SYT2: variants seen among roughly 807,000 people sequenced by gnomAD.
SYT2 encodes synaptotagmin 2, also known as synaptotagmin-2.
Under a neutral mutation model 39.9 loss-of-function variants are expected in SYT2, and 15 were observed. That is an observed-to-expected ratio of 0.38 (90% confidence interval 0.25 to 0.58). The LOEUF (loss-of-function observed/expected upper bound fraction) is 0.58, where lower values mean the gene tolerates loss of function less well. SYT2 is among the 20% of genes least tolerant of loss of function. The probability of loss-of-function intolerance (pLI) is 0.70; values close to 1 mark genes in which losing one functional copy is unlikely to be tolerated. For missense variants in SYT2, 389 were observed against 530.3 expected (o/e 0.73, Z 2.62); for synonymous variants, 181 against 204.5 (o/e 0.89, Z 0.98).
intron 1 of SYT2, among the ~76,000 whole-genome samples, chr1:202,670,234 G>A (rs1239887989): frequency 1.3e-5 from 2 of 152,192 alleles, no homozygotes; most frequent in South Asian, 2.1e-4. Context: ...CCTCACAGGA[G>A]CACTGGGAAC....
intron 1 of SYT2, among the ~76,000 whole-genome samples, chr1:202,619,758 C>G (rs1572630093): frequency 6.6e-6 from 1 of 152,278 alleles, no homozygotes; most frequent in South Asian, 2.1e-4. Context: ...TAAAATAAGC[C>G]TCAAAGGCAC....
At chr1:202,678,273 CAAAAAAAAAAAAAA>C (rs773123862) in intron 1 of SYT2, among the ~76,000 whole-genome samples, 1,079 of 30,750 alleles carry the variant, frequency 0.035, 28 homozygotes, top group African/African-American at 0.13. Context: ...GACTCTGTCT[CAAAAAAAAAAAAAA>C]AAAAAAAAAA....
Position 202,596,547 on chromosome 1 carries a change from A to G in SYT2, c.*210T>C, listed in dbSNP as rs1208095477. 1 of 551,368 alleles carries G rather than the reference A, an allele frequency of 1.8e-6. No homozygotes were observed. Among genetic ancestry groups the G allele is most frequent in the Non-Finnish European group, 3.2e-6 (1 of 312,158 alleles). The allele number at this position is 551,368 out of a possible 1,614,324, so 34.2% of individuals were successfully genotyped here. A position where few individuals can be genotyped will look rare whatever the true frequency, so the allele number is the denominator to read the frequency against. On this transcript the variant is annotated 3_prime_UTR_variant, in exon 9 of 9. Transcript: ENST00000367268. ...AGCTCCTGGGACCGTGAACAGAGCC[A>G]GGCTTCTCTTTCACCTCTTAGGGGA...
At position 202,628,483 on chromosome 1, in the gene SYT2, C is replaced by G. The variant is rs1691480438; in HGVS notation, c.-17-22694G>C. Among the ~76,000 whole-genome samples the G allele has an allele frequency of 6.6e-6, 1 of 152,178 alleles. No individual in the cohort carries two copies. The highest frequency in any genetic ancestry group is 1.5e-5 in the Non-Finnish European group (1 of 68,032). On this transcript the variant is annotated intron_variant, in intron 1 of 8. Transcript: ENST00000367268. This position sits in a 1 kb window ranked among gnomAD's most constrained non-coding sequence, Gnocchi z 4.2. ...GCTGGCCAGGCCCCAGGGACAGAGA[C>G]GTGCCCATCACTCTTCAGACAGAGA...
chr1:202,654,704 G>A (rs992121687), intron 1 of SYT2, among the ~76,000 whole-genome samples: 23 of 152,140 alleles, frequency 1.5e-4, no homozygotes, highest in Admixed American at 1.5e-3. Context: ...GTGTGGGACG[G>A]TGCTCTATAA....
chr1:202,696,667 G>T lies in SYT2; in HGVS notation c.-18+13591C>A, dbSNP rs150528327. Among the ~76,000 whole-genome samples, 518 of 152,282 alleles carry T rather than the reference G, an allele frequency of 3.4e-3. 2 individuals carry two copies. Among genetic ancestry groups the T allele is most frequent in the African/African-American group, 0.012 (501 of 41,566 alleles). On this transcript the variant is annotated intron_variant, in intron 1 of 8. Transcript: ENST00000367268. ...CTGAGTGGGAGCCTAGGGAAGTGTG[G>T]CCTGAGGCACATGGGAGCCTGACCA...
At chr1:202,674,851 G>A (rs541192979) in intron 1 of SYT2, among the ~76,000 whole-genome samples, 80 of 151,930 alleles carry the variant, frequency 5.3e-4, no homozygotes, top group African/African-American at 1.7e-3. Context: ...CAGACTGGCC[G>A]GCCCCCTCCC....
chr1:202,629,917 A>G (rs1284278593), intron 1 of SYT2, among the ~76,000 whole-genome samples: 2 of 99,152 alleles, frequency 2.0e-5, no homozygotes, highest in Admixed American at 1.1e-4. Flanking sequence ...GTGACTCTGG[A>G]AGTCACTAGC....
chr1:202,696,385 A>G (rs148557795), intron 1 of SYT2, among the ~76,000 whole-genome samples: 222 of 152,344 alleles, frequency 1.5e-3, no homozygotes, highest in African/African-American at 5.0e-3. Context: ...CATGGTGGCC[A>G]TGCACGCATC....
intron 1 of SYT2, among the ~76,000 whole-genome samples, chr1:202,687,240 C>T (rs559253552): frequency 1.3e-5 from 2 of 152,136 alleles, no homozygotes; most frequent in African/African-American, 2.4e-5. Context: ...GTCCCCTCCC[C>T]CTACGACCCA....
chr1:202,626,518 C>T (rs905354484), intron 1 of SYT2, among the ~76,000 whole-genome samples: 4 of 145,994 alleles, frequency 2.7e-5, no homozygotes, highest in East Asian at 4.3e-4. Flanking sequence ...GCTGGGACTA[C>T]AGGCGTACCA....
intron 1 of SYT2, among the ~76,000 whole-genome samples, chr1:202,696,381 G>A (rs2149119576): frequency 6.6e-6 from 1 of 152,288 alleles, no homozygotes; most frequent in South Asian, 2.1e-4. Flanking sequence ...ACATCATGGT[G>A]GCCATGCACG....
intron 1 of SYT2, among the ~76,000 whole-genome samples, chr1:202,660,259 C>T (rs1034632878): frequency 2.0e-5 from 3 of 152,162 alleles, no homozygotes; most frequent in Non-Finnish European, 2.9e-5. Context: ...GACTATGCTA[C>T]CTTTTAGCTG....
chr1:202,652,967 C>G (rs1270586867), intron 1 of SYT2, among the ~76,000 whole-genome samples: 8 of 151,466 alleles, frequency 5.3e-5, no homozygotes, highest in African/African-American at 1.7e-4. Context: ...CCCACCCCCC[C>G]TTAGAGTTTG....
At chr1:202,698,189 T>C (rs1392270628) in intron 1 of SYT2, among the ~76,000 whole-genome samples, 1 of 152,060 alleles carries the variant, frequency 6.6e-6, no homozygotes, top group African/African-American at 2.4e-5. Flanking sequence ...TCTTTTACCA[T>C]GTCTAGGTCT....
rs538800731 is a variant in SYT2 at position 202,627,918 on chromosome 1, C to T, written c.-17-22129G>A. On this transcript the variant is annotated intron_variant, in intron 1 of 8. Coordinates refer to ENST00000367268, the MANE Select transcript of SYT2 (RefSeq NM_177402.5). ...TTCTGCCCCTTGACAGAGGAGACAA[C>T]TAAGGCTCTGAGATCAGCTTGCCCA... Among the ~76,000 whole-genome samples, 10 of 152,268 alleles carry T rather than the reference C, an allele frequency of 6.6e-5. 1 individual carries two copies. Among genetic ancestry groups the T allele is most frequent in the African/African-American group, 2.2e-4 (9 of 41,544 alleles).
intron 1 of SYT2, among the ~76,000 whole-genome samples, chr1:202,622,899 C>T (rs904624708): frequency 2.0e-5 from 3 of 152,170 alleles, no homozygotes; most frequent in African/African-American, 7.2e-5. Context: ...AGTCCACAGC[C>T]TCTTTTCGAA....
rs949295029 is a variant in SYT2 at position 202,591,389 on chromosome 1, C to G, written c.*5368G>C. 3 of 152,572 alleles carry G rather than the reference C, an allele frequency of 2.0e-5. No homozygotes were observed. Among genetic ancestry groups the G allele is most frequent in the African/African-American group, 7.2e-5 (3 of 41,466 alleles). The allele number at this position is 152,572 out of a possible 1,614,324, so 9.5% of individuals were successfully genotyped here. On this transcript the variant is annotated 3_prime_UTR_variant, in exon 9 of 9. Coordinates refer to ENST00000367268, the MANE Select transcript of SYT2 (RefSeq NM_177402.5). Reference sequence around the variant, plus strand: ...CTCAGGTGCCCATGGGGCCAGGGGCCGCAGGCAGGGGGGCTACCTGTCCCT... The same window carrying G: ...CTCAGGTGCCCATGGGGCCAGGGGCGGCAGGCAGGGGGGCTACCTGTCCCT...
intron 1 of SYT2, among the ~76,000 whole-genome samples, chr1:202,626,423 T>TTTTTTTTTA (rs1270020109): frequency 7.1e-6 from 1 of 140,256 alleles, no homozygotes; most frequent in African/African-American, 2.8e-5. Flanking sequence ...TTTTTTTTTT[T>TTTTTTTTTA]TTTGAGACAG....
Sources: gnomAD v4.1 joint callset for allele counts (sites outside exome capture counted in the v4.1 genomes callset) on GRCh38, gnomAD v4.1.1 for gene constraint, Gnocchi (gnomAD v3.1) non-coding constraint, MANE v1.5 for transcripts, NCBI Gene and HGNC (gene_info 2026-07-23, HGNC 2026-07-21) for gene names.